CERS6: variants seen among roughly 807,000 people sequenced by gnomAD.
CERS6 encodes the protein LAG1 homolog, ceramide synthase 6.
CERS6 carries 26 observed loss-of-function variants against 56.8 expected under a neutral mutation model. That is an observed-to-expected ratio of 0.46 (90% CI 0.34 to 0.63). CERS6 has a LOEUF of 0.63. CERS6 is among the 30% of genes least tolerant of loss of function. CERS6 has a pLI of 0.01. For synonymous variants in CERS6, 164 were observed against 173.3 expected (o/e 0.95, Z 0.42); for missense variants, 415 against 467.5 (o/e 0.89, Z 1.04).
chr2:168,736,012 C>T (rs1034791707), intron 8 of CERS6, among the ~76,000 whole-genome samples: 1 of 151,986 alleles, frequency 6.6e-6, no homozygotes, highest in Non-Finnish European at 1.5e-5. Context: ...TTAAGACTAG[C>T]CTGGGTAATA....
chr2:168,467,797 A>G (rs1194803903), intron 1 of CERS6, among the ~76,000 whole-genome samples: 1 of 152,212 alleles, frequency 6.6e-6, no homozygotes, highest in African/African-American at 2.4e-5. Context: ...ACCAGAGTAC[A>G]GTATTGAGTA....
chr2:168,762,027 G>A (rs1684596119), intron 8 of CERS6, among the ~76,000 whole-genome samples: 1 of 152,080 alleles, frequency 6.6e-6, no homozygotes, highest in East Asian at 1.9e-4. Flanking sequence ...GCAAAGGAAG[G>A]AGAGCATTAG....
intron 4 of CERS6, among the ~76,000 whole-genome samples, chr2:168,633,506 T>C (rs976445959): frequency 2.0e-5 from 3 of 152,178 alleles, no homozygotes; most frequent in Non-Finnish European, 4.4e-5. Context: ...CTCTTTCTTA[T>C]TCCAGAGCTC....
At chr2:168,616,763 G>A (rs532599176) in intron 3 of CERS6, among the ~76,000 whole-genome samples, 1 of 152,278 alleles carries the variant, frequency 6.6e-6, no homozygotes, top group East Asian at 1.9e-4. Context: ...TAAGAAACGA[G>A]ATAGATGGCA....
intron 3 of CERS6, among the ~76,000 whole-genome samples, chr2:168,613,018 C>A (rs565740630): frequency 5.3e-4 from 81 of 152,156 alleles, no homozygotes; most frequent in Admixed American, 1.6e-3. Context: ...GGGGAAGAGA[C>A]TGAGGGAATG....
At chr2:168,571,373 G>A (rs989105) in intron 3 of CERS6, among the ~76,000 whole-genome samples, 151,379 of 152,192 alleles carry the variant, frequency 0.99, 75,287 homozygotes, top group East Asian at 1. Context: ...TATTTGTCCT[G>A]AAACTTGGCG....
At chr2:168,628,733 G>C (rs188619125) in intron 3 of CERS6, among the ~76,000 whole-genome samples, 24 of 152,154 alleles carry the variant, frequency 1.6e-4, no homozygotes, top group African/African-American at 5.3e-4. Context: ...TGGAGACAGG[G>C]TGATATGCAG....
chr2:168,495,381 T>C lies in CERS6; in HGVS notation c.170+38763T>C, dbSNP rs1449188553. On this transcript the variant is annotated intron_variant, in intron 1 of 9. Transcript: ENST00000305747. ...ACCTGAGGTTTAAATTTTTGGGTGC[T>C]TAACAGGGATCAGAAAGACTGGTCG... 3.9e-5 allele frequency among the ~76,000 whole-genome samples: 6 copies of C among 152,196 alleles called. No homozygotes were observed. The East Asian group carries it at 1.2e-3, about 29-fold the overall frequency.
chr2:168,584,246 G>T (rs965237579), intron 3 of CERS6, among the ~76,000 whole-genome samples: 4 of 152,190 alleles, frequency 2.6e-5, no homozygotes, highest in African/African-American at 9.7e-5. Context: ...CCAGTGAGCT[G>T]CAGTGAAACT....
At chr2:168,742,758 A>C (rs1293627553) in intron 8 of CERS6, among the ~76,000 whole-genome samples, 1 of 152,206 alleles carries the variant, frequency 6.6e-6, no homozygotes, top group Non-Finnish European at 1.5e-5. Context: ...GAATGTAAGC[A>C]CTGAGACTGG....
At chr2:168,768,603 C>T (rs1383686915) in intron 9 of CERS6, among the ~76,000 whole-genome samples, 1 of 151,926 alleles carries the variant, frequency 6.6e-6, no homozygotes, top group East Asian at 1.9e-4. Flanking sequence ...CCCCGCCCAG[C>T]AGGTTCTTAA....
chr2:168,481,726 T>C (rs905948086), intron 1 of CERS6, among the ~76,000 whole-genome samples: 2 of 152,252 alleles, frequency 1.3e-5, no homozygotes, highest in Admixed American at 6.5e-5. Context: ...AGGAATAACG[T>C]TGAAATCATG....
intron 4 of CERS6, among the ~76,000 whole-genome samples, chr2:168,653,182 C>G (rs6707065): frequency 0.35 from 53,596 of 152,014 alleles, 9,852 homozygotes; most frequent in South Asian, 0.53. Context: ...CAGGTCCCTC[C>G]GAAGAAAAAT....
chr2:168,756,492 G>A (rs1422057859), intron 8 of CERS6, among the ~76,000 whole-genome samples: 1 of 152,176 alleles, frequency 6.6e-6, no homozygotes, highest in Non-Finnish European at 1.5e-5. Flanking sequence ...TGGGATTTAA[G>A]GGTCAAGTGG....
chr2:168,662,842 C>G (rs562710060), intron 4 of CERS6, among the ~76,000 whole-genome samples: 4 of 152,344 alleles, frequency 2.6e-5, no homozygotes, highest in African/African-American at 9.6e-5. Context: ...TTTGCAGCTT[C>G]CTGCCAAACA....
chr2:168,566,016 A>G (rs1333318253), intron 3 of CERS6, among the ~76,000 whole-genome samples: 2 of 152,348 alleles, frequency 1.3e-5, no homozygotes, highest in Non-Finnish European at 2.9e-5. Flanking sequence ...ATAATATAAA[A>G]TAAATAAGAT....
At chr2:168,720,051 T>C in intron 8 of CERS6, among the ~76,000 whole-genome samples, 1 of 149,044 alleles carries the variant, frequency 6.7e-6, no homozygotes, top group South Asian at 2.2e-4. Flanking sequence ...TTCTTCGGCC[T>C]CAAGTAGCTG....
intron 1 of CERS6, among the ~76,000 whole-genome samples, chr2:168,481,211 C>T (rs1024774948): frequency 5.3e-5 from 8 of 152,224 alleles, no homozygotes; most frequent in Admixed American, 4.6e-4. Flanking sequence ...GTCAGGAGAT[C>T]GAGACCATCC....
chr2:168,480,245 G>C (rs919776681), intron 1 of CERS6, among the ~76,000 whole-genome samples: 4 of 152,184 alleles, frequency 2.6e-5, no homozygotes, highest in African/African-American at 9.7e-5. Flanking sequence ...AAAGTATAGG[G>C]AGTCTTCCCC....
Sources: gnomAD v4.1 joint callset for allele counts (sites outside exome capture counted in the v4.1 genomes callset) on GRCh38, gnomAD v4.1.1 for gene constraint, MANE v1.5 for transcripts, NCBI Gene and HGNC (gene_info 2026-07-23, HGNC 2026-07-21) for gene names.